ITGBL1: variants seen among roughly 807,000 people sequenced by gnomAD.
The protein encoded by ITGBL1 is integrin subunit beta like 1.
ITGBL1 carries 51 observed loss-of-function variants against 68.5 expected under a neutral mutation model. The observed-to-expected ratio is 0.74, with a 90% confidence interval of 0.59 to 0.94. The LOEUF (loss-of-function observed/expected upper bound fraction) is 0.94, where lower values mean the gene tolerates loss of function less well. Among genes scored for constraint, ITGBL1 ranks in the 40% least tolerant of loss-of-function variants. The probability of loss-of-function intolerance (pLI) is 0.00; values close to 1 mark genes in which losing one functional copy is unlikely to be tolerated. For missense variants in ITGBL1, 649 were observed against 647.4 expected (o/e 1.00, Z -0.03); for synonymous variants, 209 against 227.3 (o/e 0.92, Z 0.72).
At chr13:101,582,554 A>G (rs535579600) in intron 5 of ITGBL1, among the ~76,000 whole-genome samples, 2 of 152,310 alleles carry the variant, frequency 1.3e-5, no homozygotes, top group African/African-American at 4.8e-5. Flanking sequence ...ATGTCTCTCA[A>G]TCTGATCTCC....
At chr13:101,641,981 G>C (rs1173730709) in intron 7 of ITGBL1, among the ~76,000 whole-genome samples, 1 of 152,000 alleles carries the variant, frequency 6.6e-6, no homozygotes, top group African/African-American at 2.4e-5. Context: ...ATTTGGGTTG[G>C]TTCCAAGTCT....
intron 9 of ITGBL1, among the ~76,000 whole-genome samples, chr13:101,708,138 T>C (rs911959490): frequency 1.3e-5 from 2 of 152,080 alleles, no homozygotes; most frequent in Non-Finnish European, 1.5e-5. Flanking sequence ...AACACCTTGA[T>C]TTTGATGTTT....
chr13:101,627,860 G>A (rs1172417520), intron 7 of ITGBL1, among the ~76,000 whole-genome samples: 5 of 152,190 alleles, frequency 3.3e-5, no homozygotes, highest in Non-Finnish European at 5.9e-5. Context: ...ACTGAAGGAC[G>A]TCTTGGTTGC....
intron 3 of ITGBL1, among the ~76,000 whole-genome samples, chr13:101,572,352 T>G (rs539335543): frequency 6.6e-6 from 1 of 152,154 alleles, no homozygotes; most frequent in African/African-American, 2.4e-5. Context: ...GATCAAAGTG[T>G]TCCAGAGGCT....
rs1313845131 is a variant in ITGBL1 at position 101,671,447 on chromosome 13, G to GT, written c.1016-21129dup. Among the ~76,000 whole-genome samples the GT allele has an allele frequency of 7.5e-4, 78 of 103,636 alleles. 5 individuals carry two copies. Among genetic ancestry groups the GT allele is most frequent in the East Asian group, 4.6e-3 (14 of 3,024 alleles). 68.0% of individuals were successfully genotyped at this position (103,636 alleles called of 152,430 possible). On this transcript the variant is annotated intron_variant, in intron 7 of 10. Coordinates refer to ENST00000376180, the MANE Select transcript of ITGBL1 (RefSeq NM_004791.3). The stretch of plus-strand genomic sequence containing the variant: ...CTTTGTTTTTTTTTTGTTTTTTTTT[G>GT]TTTTTTTTTGAGACGGAGTCTCGCT...
chr13:101,535,243 C>G (rs2049552043), intron 2 of ITGBL1, among the ~76,000 whole-genome samples: 2 of 151,372 alleles, frequency 1.3e-5, no homozygotes, highest in African/African-American at 4.9e-5. Context: ...TTTATTAACT[C>G]AAAAAAAAGA....
chr13:101,686,718 G>C (rs1290117463), intron 7 of ITGBL1, among the ~76,000 whole-genome samples: 1 of 148,180 alleles, frequency 6.7e-6, no homozygotes, highest in African/African-American at 2.5e-5. Flanking sequence ...TAGTGGGCGA[G>C]GGTGCTGTGG....
intron 2 of ITGBL1, among the ~76,000 whole-genome samples, chr13:101,548,135 A>G (rs903662992): frequency 2.6e-5 from 4 of 151,880 alleles, no homozygotes; most frequent in African/African-American, 9.7e-5. Flanking sequence ...GTTAGAATGT[A>G]GAAAAGAAGG....
chr13:101,695,509 A>G (rs929201483), intron 8 of ITGBL1, among the ~76,000 whole-genome samples: 4 of 152,248 alleles, frequency 2.6e-5, no homozygotes, highest in African/African-American at 9.6e-5. Context: ...ACATGATCAC[A>G]GTGTTTTAAA....
intron 6 of ITGBL1, among the ~76,000 whole-genome samples, chr13:101,597,510 C>A (rs1468819703): frequency 6.7e-6 from 1 of 150,138 alleles, no homozygotes; most frequent in Non-Finnish European, 1.5e-5. Flanking sequence ...GCCAAATCCA[C>A]CAAATACTCC....
chr13:101,719,190 AT>A (rs2034832640), downstream of ITGBL1: 2 of 152,144 alleles, frequency 1.3e-5, no homozygotes, highest in African/African-American at 4.8e-5. Flanking sequence ...TACTTAAAGA[AT>A]AAGTTTTTGG....
intron 2 of ITGBL1, among the ~76,000 whole-genome samples, chr13:101,542,545 G>T (rs2049728897): frequency 6.6e-6 from 1 of 152,130 alleles, no homozygotes. Flanking sequence ...GATTTGGGGT[G>T]GAGAGTTCTG....
intron 8 of ITGBL1, among the ~76,000 whole-genome samples, chr13:101,696,441 G>T (rs2034003925): frequency 1.3e-5 from 2 of 152,090 alleles, no homozygotes; most frequent in Non-Finnish European, 2.9e-5. Flanking sequence ...TTGAAAAATT[G>T]GTTTCTTCAC....
At chr13:101,486,523 G>A (rs2139050659) in intron 2 of ITGBL1, among the ~76,000 whole-genome samples, 1 of 152,090 alleles carries the variant, frequency 6.6e-6, no homozygotes, top group Admixed American at 6.6e-5. Flanking sequence ...GGGGAAATAA[G>A]ACCCCCATCA....
At chr13:101,666,309 C>A (rs759574956) in intron 7 of ITGBL1, among the ~76,000 whole-genome samples, 10 of 152,110 alleles carry the variant, frequency 6.6e-5, no homozygotes, top group Non-Finnish European at 1.0e-4. Flanking sequence ...CTCTTAAATT[C>A]TTGGACTGCC....
intron 7 of ITGBL1, among the ~76,000 whole-genome samples, chr13:101,634,648 C>A (rs2032105090): frequency 6.6e-6 from 1 of 152,128 alleles, no homozygotes; most frequent in South Asian, 2.1e-4. Flanking sequence ...AGTGGACCTA[C>A]TCAGCTAAGA....
chr13:101,665,934 G>A (rs1022941507), intron 7 of ITGBL1, among the ~76,000 whole-genome samples: 15 of 152,020 alleles, frequency 9.9e-5, no homozygotes, highest in Non-Finnish European at 7.4e-5. Flanking sequence ...AACCTTGGAC[G>A]GACACTGGCT....
intron 2 of ITGBL1, among the ~76,000 whole-genome samples, chr13:101,468,801 G>A (rs984520809): frequency 1.3e-5 from 2 of 152,156 alleles, no homozygotes; most frequent in Non-Finnish European, 2.9e-5. Flanking sequence ...AAATCACTGG[G>A]ACAAAATTAC....
intron 2 of ITGBL1, among the ~76,000 whole-genome samples, chr13:101,471,283 A>T (rs975151995): frequency 1.5e-4 from 23 of 152,066 alleles, no homozygotes; most frequent in African/African-American, 5.6e-4. Context: ...TTATTGAGAA[A>T]ACTCCCTTGC....
Sources: gnomAD v4.1 joint callset for allele counts (sites outside exome capture counted in the v4.1 genomes callset) on GRCh38, gnomAD v4.1.1 for gene constraint, MANE v1.5 for transcripts, NCBI Gene and HGNC (gene_info 2026-07-23, HGNC 2026-07-21) for gene names.